The following MMP16 variants were observed in gnomAD, a reference collection of about 807,000 sequenced individuals.
MMP16 encodes matrix metalloproteinase-16.
MMP16 carries 12 observed loss-of-function variants against 67.8 expected under a neutral mutation model. The ratio of observed to expected loss-of-function variants is 0.18; its 90% confidence interval spans 0.11 to 0.29. MMP16 has a LOEUF of 0.29. Among genes scored for constraint, MMP16 ranks in the 10% least tolerant of loss-of-function variants. The pLI is 1.00. For missense variants in MMP16, 475 were observed against 765.7 expected, an observed-to-expected ratio of 0.62 and a Z score of 4.48; for synonymous variants, 249 against 255.9, an observed-to-expected ratio of 0.97 and a Z score of 0.26.
At chr8:88,320,049 G>T (rs138360037) in intron 1 of MMP16, among the ~76,000 whole-genome samples, 4 of 152,274 alleles carry the variant, frequency 2.6e-5, no homozygotes, top group East Asian at 3.9e-4. Flanking sequence ...AAGTGCCTTT[G>T]TTATCCCCCA....
At chr8:88,168,995 C>T (rs888399454) in intron 3 of MMP16, among the ~76,000 whole-genome samples, 6 of 151,808 alleles carry the variant, frequency 4.0e-5, no homozygotes, top group Admixed American at 2.6e-4. Context: ...GAAGTAATAA[C>T]CATGCCCAGC....
intron 4 of MMP16, among the ~76,000 whole-genome samples, chr8:88,123,437 C>CT (rs1380869024): frequency 6.6e-6 from 1 of 151,012 alleles, no homozygotes; most frequent in Non-Finnish European, 1.5e-5. Context: ...AAACTTGATA[C>CT]TTTTGTTGTA....
In MMP16 at chr8:88,040,656, C is replaced by T. The variant is rs1266716065; in HGVS notation, c.*805G>A. On this transcript the variant is annotated 3_prime_UTR_variant, in exon 10 of 10. Transcript: ENST00000286614. ...GGTGGAAAGAAGGGGTTTAGAAATA[C>T]TTCAAAAACAATTAAAAGGTCGTGT... The T allele has an allele frequency of 6.6e-6, 1 of 152,636 alleles. No homozygotes were observed. Among genetic ancestry groups the T allele is most frequent in the South Asian group, 2.1e-4 (1 of 4,824 alleles). 9.5% of individuals were successfully genotyped at this position (152,636 alleles called of 1,614,324 possible).
At chr8:88,118,041 C>T (rs13279348) in intron 5 of MMP16, among the ~76,000 whole-genome samples, 9 of 151,966 alleles carry the variant, frequency 5.9e-5, no homozygotes, top group Non-Finnish European at 1.3e-4. Flanking sequence ...AATAGTCTTT[C>T]CCCTTTTCTC....
chr8:88,295,775 T>C (rs1208646073), intron 1 of MMP16, among the ~76,000 whole-genome samples: 1 of 152,116 alleles, frequency 6.6e-6, no homozygotes, highest in Non-Finnish European at 1.5e-5. Flanking sequence ...ATTCTGAAAA[T>C]TGTGTAGTAA....
At chr8:88,246,698 C>T (rs1278497203) in intron 1 of MMP16, among the ~76,000 whole-genome samples, 1 of 151,994 alleles carries the variant, frequency 6.6e-6, no homozygotes, top group Non-Finnish European at 1.5e-5. Context: ...ATAAATGGTA[C>T]TGAATGAGGG....
intron 1 of MMP16, among the ~76,000 whole-genome samples, chr8:88,220,120 A>G (rs568925107): frequency 2.5e-4 from 38 of 152,254 alleles, no homozygotes; most frequent in African/African-American, 8.4e-4. Flanking sequence ...CTTCAGAATC[A>G]GCTTTTAATA....
At chr8:88,202,029 T>C (rs1226266793) in intron 1 of MMP16, among the ~76,000 whole-genome samples, 5 of 152,130 alleles carry the variant, frequency 3.3e-5, no homozygotes, top group Non-Finnish European at 2.9e-5. Flanking sequence ...ATAGGATAAG[T>C]TCACAAGGCA....
chr8:88,194,834 T>C (rs1463612307), intron 2 of MMP16, among the ~76,000 whole-genome samples: 1 of 151,938 alleles, frequency 6.6e-6, no homozygotes, highest in Non-Finnish European at 1.5e-5. Context: ...AATTAGAACA[T>C]GGCTTTGTTC....
At chr8:88,147,209 G>T (rs528892017) in intron 4 of MMP16, among the ~76,000 whole-genome samples, 1 of 151,708 alleles carries the variant, frequency 6.6e-6, no homozygotes, top group South Asian at 2.1e-4. Context: ...AATTTATTTT[G>T]GTTTTCTTCT....
At chr8:88,228,474 T>C (rs1211603332) in intron 1 of MMP16, among the ~76,000 whole-genome samples, 1 of 151,970 alleles carries the variant, frequency 6.6e-6, no homozygotes, top group African/African-American at 2.4e-5. Flanking sequence ...AATGGAAAAA[T>C]ATCAGGAAAA....
At chr8:88,166,219 T>C (rs1452435251) in intron 4 of MMP16, among the ~76,000 whole-genome samples, 1 of 152,046 alleles carries the variant, frequency 6.6e-6, no homozygotes, top group Non-Finnish European at 1.5e-5. Context: ...GGTTAACTTA[T>C]CAAGGTGAAA....
intron 1 of MMP16, among the ~76,000 whole-genome samples, chr8:88,285,996 C>A (rs1295695544): frequency 6.6e-6 from 1 of 152,192 alleles, no homozygotes; most frequent in African/African-American, 2.4e-5. Flanking sequence ...TTACTCCTAA[C>A]CCACTCCATT....
At chr8:88,168,425 A>G (rs949013586) in intron 3 of MMP16, among the ~76,000 whole-genome samples, 15 of 152,202 alleles carry the variant, frequency 9.9e-5, no homozygotes, top group African/African-American at 3.6e-4. Context: ...ATATGAATTC[A>G]GCAGATATAT....
At chr8:88,248,554 CCTT>C (rs1425965044) in intron 1 of MMP16, among the ~76,000 whole-genome samples, 1 of 152,076 alleles carries the variant, frequency 6.6e-6, no homozygotes, top group Non-Finnish European at 1.5e-5. Flanking sequence ...GAGCTCCCCT[CCTT>C]CTTCTTTACT....
chr8:88,125,683 G>A (rs898627143), intron 4 of MMP16, among the ~76,000 whole-genome samples: 3 of 151,872 alleles, frequency 2.0e-5, no homozygotes, highest in Admixed American at 1.3e-4. Flanking sequence ...ATTCATAAAA[G>A]TCTTGCTGAA....
rs1459702635 is a variant in MMP16 at position 88,058,809 on chromosome 8, T to C, written c.1223-2531A>G. ...TGTAGGAGTTGAACTTTATTCTAAA[T>C]GAAATAGGAAGTCATTGAACAGTTA... On this transcript the variant is annotated intron_variant, in intron 7 of 9. Transcript: ENST00000286614. This position sits in a 1 kb window ranked among gnomAD's most constrained non-coding sequence, Gnocchi z 4.2. Among the ~76,000 whole-genome samples, 2 of 152,074 alleles carry C rather than the reference T, an allele frequency of 1.3e-5. No individual in the cohort carries two copies. The highest frequency in any genetic ancestry group is 2.9e-5 in the Non-Finnish European group (2 of 67,998).
At chr8:88,210,901 T>C (rs548716693) in intron 1 of MMP16, among the ~76,000 whole-genome samples, 1 of 152,290 alleles carries the variant, frequency 6.6e-6, no homozygotes, top group African/African-American at 2.4e-5. Flanking sequence ...GGCACAGCAC[T>C]AATCTCCTTA....
chr8:88,126,347 A>G (rs964160641), intron 4 of MMP16, among the ~76,000 whole-genome samples: 5 of 151,962 alleles, frequency 3.3e-5, no homozygotes, highest in Non-Finnish European at 4.4e-5. Context: ...GAGAAACTAC[A>G]CAACTTCTTC....
Sources: allele counts gnomAD v4.1 joint callset (sites outside exome capture counted in the v4.1 genomes callset), GRCh38; gene constraint gnomAD v4.1.1; non-coding constraint Gnocchi (gnomAD v3.1); transcripts MANE v1.5; gene names NCBI Gene and HGNC (gene_info 2026-07-23, HGNC 2026-07-21).